The following PPP2R5A variants were observed in gnomAD, a reference collection of about 807,000 sequenced individuals.
PPP2R5A encodes serine/threonine-protein phosphatase 2A 56 kDa regulatory subunit alpha isoform.
In PPP2R5A, 25 loss-of-function variants were observed where a neutral mutation model predicts 64.2. That is an observed-to-expected ratio of 0.39 (90% confidence interval 0.28 to 0.54). PPP2R5A has a LOEUF of 0.54. Among genes scored for constraint, PPP2R5A ranks in the 20% least tolerant of loss-of-function variants. PPP2R5A has a pLI of 0.67. For missense variants in PPP2R5A, 425 were observed against 576.3 expected (o/e 0.74, Z 2.69); for synonymous variants, 198 against 201.2 (o/e 0.98, Z 0.13).
At chr1:212,360,438 C>G (rs11587555) in intron 12 of PPP2R5A, among the ~76,000 whole-genome samples, 200 bp from the exon 13 acceptor site, 25,213 of 152,124 alleles carry the variant, frequency 0.17, 2,534 homozygotes, top group Middle Eastern at 0.3. Flanking sequence ...CTAGCTGGTA[C>G]AGGAGATGCA....
chr1:212,327,324 T>C (rs746483729), intron 1 of PPP2R5A, among the ~76,000 whole-genome samples: 10 of 152,216 alleles, frequency 6.6e-5, no homozygotes, highest in Non-Finnish European at 1.5e-4. Flanking sequence ...AGTTTTATGG[T>C]TTTGAAGGTT....
intron 1 of PPP2R5A, among the ~76,000 whole-genome samples, chr1:212,287,002 A>G (rs1165586886): frequency 6.6e-6 from 1 of 152,210 alleles, no homozygotes; most frequent in African/African-American, 2.4e-5. Flanking sequence ...GGAAATACGA[A>G]GGAGTAGGTA....
intron 1 of PPP2R5A, among the ~76,000 whole-genome samples, chr1:212,325,822 TC>T (rs1183830010): frequency 6.6e-6 from 1 of 152,170 alleles, no homozygotes; most frequent in Non-Finnish European, 1.5e-5. Context: ...AACATGTATC[TC>T]GTTTAGTGTG....
chr1:212,327,637 C>T (rs1417473876), intron 1 of PPP2R5A, among the ~76,000 whole-genome samples: 1 of 152,094 alleles, frequency 6.6e-6, no homozygotes, highest in Non-Finnish European at 1.5e-5. Flanking sequence ...TGGTCTTGAA[C>T]TCCTGACCTC....
At chr1:212,315,848 T>A (rs975169188) in intron 1 of PPP2R5A, among the ~76,000 whole-genome samples, 2 of 152,210 alleles carry the variant, frequency 1.3e-5, no homozygotes, top group Admixed American at 1.3e-4. Flanking sequence ...GCTCGCTTTG[T>A]GTCTCTGTGT....
intron 1 of PPP2R5A, among the ~76,000 whole-genome samples, chr1:212,320,862 C>T (rs1467561719): frequency 7.1e-6 from 1 of 141,636 alleles, no homozygotes; most frequent in Non-Finnish European, 1.6e-5. Flanking sequence ...GGCAGAGGGG[C>T]TCCTCACTTC....
chr1:212,318,107 A>G (rs1659193602), intron 1 of PPP2R5A, among the ~76,000 whole-genome samples: 1 of 152,258 alleles, frequency 6.6e-6, no homozygotes, highest in South Asian at 2.1e-4. Context: ...CCCTAGAGTT[A>G]TCTTGAGTCA....
At chr1:212,323,643 GA>G (rs1447230596) in intron 1 of PPP2R5A, among the ~76,000 whole-genome samples, 2 of 152,178 alleles carry the variant, frequency 1.3e-5, no homozygotes, top group East Asian at 3.9e-4. Flanking sequence ...TTCTGGGGGA[GA>G]AAAAACAAAA....
At chr1:212,319,221 C>T (rs1276410771) in intron 1 of PPP2R5A, among the ~76,000 whole-genome samples, 3 of 152,190 alleles carry the variant, frequency 2.0e-5, no homozygotes, top group African/African-American at 7.2e-5. Context: ...AGGGCATGAT[C>T]CAAAAGGTAC....
intron 11 of PPP2R5A, chr1:212,357,851 C>CAATGGTGCA (rs1207160522): frequency 3.3e-5 from 5 of 151,530 alleles, no homozygotes; most frequent in Non-Finnish European, 7.4e-5. Flanking sequence ...GACTGGAGTG[C>CAATGGTGCA]AATGGTGCAA....
At chr1:212,347,808 A>G (rs1201878992) in intron 6 of PPP2R5A, among the ~76,000 whole-genome samples, 1 of 152,142 alleles carries the variant, frequency 6.6e-6, no homozygotes, top group African/African-American at 2.4e-5. Context: ...GGCCTCCCAC[A>G]GTGCTGGGAT....
chr1:212,351,516 C>A (rs999658009), intron 8 of PPP2R5A, among the ~76,000 whole-genome samples: 5 of 152,138 alleles, frequency 3.3e-5, no homozygotes, highest in Non-Finnish European at 7.4e-5. Context: ...GAGTTCAAGA[C>A]CAGCCTGGCC....
At position 212,329,251 on chromosome 1, in the gene PPP2R5A, A is replaced by G; in HGVS notation, c.298A>G (p.Thr100Ala). ...GAAGAGCAAAGAAATTAAAAGAGCA[A>G]CACTGAATGAACTGGTTGAGTATGT... ...DLKSKEIKRA[T>A]LNELVEYVST... The change falls in exon 2 of 13, where the codon ACA becomes GCA. Residue 100 changes from threonine (T) to alanine (A), a missense_variant. Around this residue, in one of 4 missense-constraint regions of PPP2R5A, gnomAD observed 140 missense variants for 204.4 expected, o/e 0.68. Coordinates refer to ENST00000261461, the MANE Select transcript of PPP2R5A (RefSeq NM_006243.4). 1 of 1,613,282 alleles carries G rather than the reference A, an allele frequency of 6.2e-7. No individual in the cohort carries two copies. The highest frequency in any genetic ancestry group is 8.5e-7 in the Non-Finnish European group (1 of 1,179,742).
At chr1:212,337,386 G>GAT (rs1659608504) in intron 3 of PPP2R5A, among the ~76,000 whole-genome samples, 1 of 152,050 alleles carries the variant, frequency 6.6e-6, no homozygotes, top group Non-Finnish European at 1.5e-5. Context: ...AATTATGTAG[G>GAT]ATAGTGCCTA....
intron 5 of PPP2R5A, among the ~76,000 whole-genome samples, chr1:212,346,328 G>C (rs767151356): frequency 1.3e-5 from 2 of 151,656 alleles, no homozygotes; most frequent in African/African-American, 2.4e-5. Flanking sequence ...TTGAACTCCT[G>C]AACTCAAGCA....
intron 8 of PPP2R5A, among the ~76,000 whole-genome samples, chr1:212,351,102 C>CAAAAAAAAAA (rs58625826): frequency 4.8e-5 from 5 of 103,860 alleles, no homozygotes; most frequent in African/African-American, 2.6e-5. Flanking sequence ...CGAGATGACA[C>CAAAAAAAAAA]AAAAAAAAAA....
Position 212,286,245 on chromosome 1 carries a change from C to T in PPP2R5A, c.135C>T (p.Arg45=), listed in dbSNP as rs751674086. The change falls in exon 1 of 13, where the codon CGC becomes CGT. Residue 45 remains arginine (R), a synonymous_variant. Transcript: ENST00000261461. ...QKRSQGSSQF[R]SQGSQAELHP... ...GCTCCCAGGGCTCGTCGCAGTTTCG[C>T]AGCCAGGGCAGCCAGGCAGAGCTGC... 3 of 1,547,106 alleles carry T rather than the reference C, an allele frequency of 1.9e-6. No homozygotes were observed. The highest frequency in any genetic ancestry group is 2.4e-5 in the South Asian group (2 of 83,884).
At chr1:212,355,697 A>T (rs1213508108) in intron 8 of PPP2R5A, among the ~76,000 whole-genome samples, 5 of 151,958 alleles carry the variant, frequency 3.3e-5, no homozygotes, top group African/African-American at 1.2e-4. Flanking sequence ...TCCCCTTTTA[A>T]CCTATGAATG....
rs545605472 is a variant in PPP2R5A, at chr1:212,349,443, C to T, written c.927+201C>T. On this transcript the variant is annotated intron_variant, in intron 8 of 12. Coordinates refer to ENST00000261461, the MANE Select transcript of PPP2R5A (RefSeq NM_006243.4). ...TCTCGTGAGTTATGTCTTGAATAAC[C>T]GAAATATAGACTACTATTAATATGT... Among the ~76,000 whole-genome samples, 9 of 151,996 alleles carry T rather than the reference C, an allele frequency of 5.9e-5. No homozygotes were observed. In the South Asian group the frequency reaches 8.3e-4, roughly 14 times the overall value.
Sources: allele counts gnomAD v4.1 joint callset (sites outside exome capture counted in the v4.1 genomes callset), GRCh38; gene constraint gnomAD v4.1.1; regional missense constraint gnomAD v4.1.1; transcripts MANE v1.5; gene names NCBI Gene and HGNC (gene_info 2026-07-23, HGNC 2026-07-21).